Variants in CD82 observed in about 807,000 individuals in gnomAD.
The protein encoded by CD82 is CD82 antigen.
A neutral mutation model predicts 37.4 loss-of-function variants in CD82; 36 were observed. That is an observed-to-expected ratio of 0.96 (90% CI 0.74 to 1.27). The LOEUF is 1.27. Ranked by LOEUF, CD82 falls within the 50% of genes most tolerant of loss-of-function variation. The probability of loss-of-function intolerance (pLI) is 0.00; values close to 1 mark genes in which losing one functional copy is unlikely to be tolerated. For synonymous variants in CD82, 158 were observed against 137.4 expected (o/e 1.15, Z -1.05); for missense variants, 340 against 347.0 (o/e 0.98, Z 0.16).
chr11:44,604,793 C>T (rs1853363729), intron 4 of CD82: 7 of 513,502 alleles, frequency 1.4e-5, no homozygotes, highest in Admixed American at 3.2e-5. Context: ...TCTATTCAAT[C>T]CTGAGAAGCC....
At chr11:44,612,105 G>A (rs777649041) in intron 6 of CD82, among the ~76,000 whole-genome samples, 1 of 152,228 alleles carries the variant, frequency 6.6e-6, no homozygotes, top group Non-Finnish European at 1.5e-5. Flanking sequence ...AGGTGGACCC[G>A]AGATGTCAGA....
chr11:44,603,627 C>T (rs999955039), intron 4 of CD82, among the ~76,000 whole-genome samples: 8 of 152,210 alleles, frequency 5.3e-5, no homozygotes, highest in African/African-American at 1.4e-4. Flanking sequence ...CTTCTGGAGA[C>T]GCCAGCACCC....
intron 1 of CD82, chr11:44,566,337 T>G (rs544036592): frequency 1.3e-5 from 2 of 152,378 alleles, no homozygotes; most frequent in South Asian, 4.1e-4. Context: ...CCAGGTGAGC[T>G]GGCCTGAGCA....
chr11:44,592,597 TGA>T (rs1853161342), intron 2 of CD82, among the ~76,000 whole-genome samples: 1 of 152,004 alleles, frequency 6.6e-6, no homozygotes, highest in Non-Finnish European at 1.5e-5. Flanking sequence ...TGCTGGGAGG[TGA>T]GAGAGAGGAA....
At chr11:44,604,895 G>T (rs1458773848) in intron 4 of CD82, 163 bp from the exon 5 acceptor site, 6 of 886,080 alleles carry the variant, frequency 6.8e-6, no homozygotes, top group Non-Finnish European at 1.1e-5. Flanking sequence ...AGTGGGGATG[G>T]GGGTGACCTG....
intron 3 of CD82, 50 bp downstream of exon 3, chr11:44,594,775 CA>C (rs1565087697): frequency 6.8e-7 from 1 of 1,478,872 alleles, no homozygotes; most frequent in Non-Finnish European, 9.5e-7. Flanking sequence ...ATTCTCCTTC[CA>C]GGGGCATCCC....
chr11:44,618,932 G>T (rs762323541), intron 9 of CD82, 117 bp from the exon 10 acceptor site: 156 of 956,540 alleles, frequency 1.6e-4, no homozygotes, highest in Non-Finnish European at 2.5e-4. Flanking sequence ...ATCACAGGGT[G>T]GTTGTGAGGC....
At chr11:44,587,648 G>A (rs7102843) in intron 2 of CD82, 92 bp downstream of exon 2, 336,348 of 450,300 alleles carry the variant, frequency 0.75, 126,653 homozygotes, top group East Asian at 0.9. Flanking sequence ...GCCCTCAGGT[G>A]TTCAGTCTGA....
intron 6 of CD82, among the ~76,000 whole-genome samples, chr11:44,609,886 C>G (rs1853456116): frequency 6.6e-6 from 1 of 152,184 alleles, no homozygotes; most frequent in Non-Finnish European, 1.5e-5. Context: ...CTCTGAAGCA[C>G]ACGCTGGTCA....
intron 4 of CD82, chr11:44,604,395 G>A (rs190176398): frequency 1.2e-3 from 182 of 157,478 alleles, no homozygotes; most frequent in African/African-American, 4.2e-3. Context: ...TTGCCTGTTC[G>A]CCTTTCTGAG....
chr11:44,615,598 T>C (rs1353377149), intron 7 of CD82, among the ~76,000 whole-genome samples: 1 of 152,172 alleles, frequency 6.6e-6, no homozygotes, highest in Non-Finnish European at 1.5e-5. Flanking sequence ...GTGCTCCCAT[T>C]TGTGGCCAGA....
intron 1 of CD82, among the ~76,000 whole-genome samples, chr11:44,586,422 C>A (rs907515557): frequency 1.3e-5 from 2 of 152,138 alleles, no homozygotes; most frequent in African/African-American, 4.8e-5. Context: ...CTTTTCTGAC[C>A]CAAAGGAGAT....
intron 3 of CD82, 121 bp downstream of exon 3, chr11:44,594,846 C>A: frequency 2.5e-6 from 2 of 793,964 alleles, no homozygotes; most frequent in South Asian, 1.5e-5. Context: ...TGGGTAGGGA[C>A]TGAGGACGAA....
In CD82 at chr11:44,605,090, T is replaced by A. The variant is rs371929631; in HGVS notation, c.169T>A (p.Tyr57Asn). The A allele has an allele frequency of 1.1e-5, 18 of 1,614,216 alleles. No homozygotes were observed. The highest frequency in any genetic ancestry group is 1.4e-5 in the Non-Finnish European group (17 of 1,180,042). The change falls in exon 5 of 10, where the codon TAT (tyrosine) becomes AAT (asparagine). Residue 57 changes from tyrosine to asparagine, a missense_variant. Coordinates refer to ENST00000227155, the MANE Select transcript of CD82 (RefSeq NM_002231.4). The stretch of plus-strand genomic sequence containing the variant: ...CTCCAGCTCGCTTAGGATGGGGGCC[T>A]ATGTCTTCATCGGCGTGGGGGCAGT... ...TSSSSLRMGA[Y>N]VFIGVGAVTM...
intron 9 of CD82, 79 bp from the exon 10 acceptor site, chr11:44,618,970 T>G (rs1230016510): frequency 1.6e-6 from 2 of 1,260,334 alleles, no homozygotes; most frequent in East Asian, 4.6e-5. Flanking sequence ...TTAATCCCCA[T>G]GTAAACCTGG....
intron 6 of CD82, among the ~76,000 whole-genome samples, chr11:44,607,358 AG>A (rs1361813009): frequency 6.6e-6 from 1 of 152,244 alleles, no homozygotes; most frequent in Non-Finnish European, 1.5e-5. Context: ...GCTGTGAGAC[AG>A]GAAGCCAGCA....
chr11:44,593,042 G>GAAAA (rs1853168270), intron 2 of CD82, among the ~76,000 whole-genome samples: 1 of 152,218 alleles, frequency 6.6e-6, no homozygotes, highest in African/African-American at 2.4e-5. Flanking sequence ...TTAGAGGAAA[G>GAAAA]AAAACTGGAC....
At chr11:44,610,242 C>T (rs1329693242) in intron 6 of CD82, among the ~76,000 whole-genome samples, 2 of 152,242 alleles carry the variant, frequency 1.3e-5, no homozygotes, top group East Asian at 1.9e-4. Flanking sequence ...ATGTGTCCTT[C>T]GAGAGAGGGA....
intron 1 of CD82, among the ~76,000 whole-genome samples, chr11:44,573,648 G>A (rs1852846652): frequency 6.6e-6 from 1 of 152,224 alleles, no homozygotes; most frequent in Non-Finnish European, 1.5e-5. Flanking sequence ...GGTTGAGCAA[G>A]TCTCCTTGTT....
Sources: gnomAD v4.1 joint callset for allele counts (sites outside exome capture counted in the v4.1 genomes callset) on GRCh38, gnomAD v4.1.1 for gene constraint, MANE v1.5 for transcripts, NCBI Gene and HGNC (gene_info 2026-07-23, HGNC 2026-07-21) for gene names.